Variants in ARHGAP42 observed in about 807,000 individuals in gnomAD.
ARHGAP42 encodes the protein rho GTPase-activating protein 42.
ARHGAP42 carries 63 observed loss-of-function variants against 125.0 expected under a neutral mutation model. The ratio of observed to expected loss-of-function variants is 0.50; its 90% CI spans 0.41 to 0.62. The LOEUF (loss-of-function observed/expected upper bound fraction) is 0.62. ARHGAP42 is among the 20% of genes least tolerant of loss of function. ARHGAP42 has a pLI of 0.00. For synonymous variants in ARHGAP42, 339 were observed against 351.0 expected (o/e 0.97, Z 0.38); for missense variants, 766 against 1,024.2 (o/e 0.75, Z 3.44).
chr11:100,916,116 T>G lies in ARHGAP42; in HGVS notation c.486+2563T>G, dbSNP rs1867055503. Among the ~76,000 whole-genome samples, 2 of 152,162 alleles carry G rather than the reference T, an allele frequency of 1.3e-5. 1 individual carries two copies. Among genetic ancestry groups the G allele is most frequent in the South Asian group, 4.1e-4 (2 of 4,824 alleles). ...CCAGGACTGAATTGAAGGGTCATCT[T>G]TTATTAACAAAATCCCAAGGCCGTC... On this transcript the variant is annotated intron_variant, in intron 5 of 23. Coordinates refer to ENST00000298815, the MANE Select transcript of ARHGAP42 (RefSeq NM_152432.4).
At chr11:100,965,994 A>G (rs548141804) in intron 17 of ARHGAP42, among the ~76,000 whole-genome samples, 2 of 152,328 alleles carry the variant, frequency 1.3e-5, no homozygotes, top group African/African-American at 4.8e-5. Flanking sequence ...AAATAATTAT[A>G]TCCTTTGCAA....
rs546797348 is a variant in ARHGAP42, at chr11:100,965,756, C to G, written c.1530C>G (p.Ile510Met). The change falls in exon 17 of 24, where the codon ATC (isoleucine) becomes ATG (methionine). Residue 510 changes from isoleucine (I) to methionine (M), a missense_variant. This residue lies in a region of ARHGAP42 where 455 missense variants were observed against 636.5 expected (regional missense o/e 0.71). Transcript: ENST00000298815. ...LPEKNREMLD[I>M]LIKHLVKVSL... The stretch of plus-strand genomic sequence containing the variant: ...AGAAAAACAGAGAGATGCTGGACAT[C>G]TTAATAAAGCATCTGGTCAAGTAAT... 26 of 1,550,876 alleles carry G rather than the reference C, an allele frequency of 1.7e-5. No individual in the cohort carries two copies. In the African/African-American group the frequency reaches 3.3e-4, roughly 20 times the overall value.
At chr11:100,801,133 A>G (rs1445292480) in intron 3 of ARHGAP42, among the ~76,000 whole-genome samples, 1 of 152,140 alleles carries the variant, frequency 6.6e-6, no homozygotes, top group African/African-American at 2.4e-5. Context: ...ATTTTGGGAC[A>G]TTCCGGATTT....
At chr11:100,853,704 A>G (rs148709480) in intron 3 of ARHGAP42, among the ~76,000 whole-genome samples, 1 of 152,206 alleles carries the variant, frequency 6.6e-6, no homozygotes, top group Non-Finnish European at 1.5e-5. Context: ...CCTCCACCTT[A>G]TGAGTATAGA....
At chr11:100,887,005 G>A (rs1022527253) in intron 4 of ARHGAP42, among the ~76,000 whole-genome samples, 1 of 152,132 alleles carries the variant, frequency 6.6e-6, no homozygotes, top group African/African-American at 2.4e-5. Context: ...ATACTGTGCT[G>A]AGTACTGACA....
intron 8 of ARHGAP42, among the ~76,000 whole-genome samples, chr11:100,940,101 T>A (rs1187412472): frequency 6.6e-6 from 1 of 152,122 alleles, no homozygotes; most frequent in African/African-American, 2.4e-5. Context: ...GGAATTGCAG[T>A]TAATTGTAAT....
intron 5 of ARHGAP42, 124 bp from the exon 6 acceptor site, chr11:100,921,370 G>A: frequency 1.5e-6 from 1 of 659,156 alleles, no homozygotes; most frequent in Non-Finnish European, 2.6e-6. Context: ...TGTAGGCAAG[G>A]ACTATAATAA....
intron 4 of ARHGAP42, among the ~76,000 whole-genome samples, chr11:100,909,406 C>A (rs147767709): frequency 6.9e-6 from 1 of 145,878 alleles, no homozygotes; most frequent in East Asian, 2.0e-4. Context: ...AGTGCAGTGG[C>A]GCGATCTTGG....
Position 100,974,124 on chromosome 11 carries a change from A to G in ARHGAP42, c.1711-335A>G, listed in dbSNP as rs1858325367. On this transcript the variant is annotated intron_variant, in intron 18 of 23. Coordinates refer to ENST00000298815, the MANE Select transcript of ARHGAP42 (RefSeq NM_152432.4). Reference sequence around the variant, plus strand: ...GGAGCCATTCAGTGGGAGAAATGATATAGAGTGAGCCTCAGCTCTTCTCAG... The same window carrying G: ...GGAGCCATTCAGTGGGAGAAATGATGTAGAGTGAGCCTCAGCTCTTCTCAG... 2.0e-5 allele frequency among the ~76,000 whole-genome samples: 3 copies of G among 152,222 alleles called. No homozygotes were observed. The South Asian group carries it at 6.2e-4, about 32-fold the overall frequency.
intron 4 of ARHGAP42, among the ~76,000 whole-genome samples, chr11:100,906,912 C>G (rs1340016503): frequency 6.6e-6 from 1 of 152,118 alleles, no homozygotes; most frequent in African/African-American, 2.4e-5. Flanking sequence ...TAACAAATAC[C>G]CCATCTCCTT....
chr11:100,800,458 G>T (rs142365072), intron 3 of ARHGAP42, among the ~76,000 whole-genome samples: 9 of 152,244 alleles, frequency 5.9e-5, no homozygotes, highest in Admixed American at 1.3e-4. Context: ...TAGGAATCCA[G>T]AAAGCTGAGC....
In ARHGAP42 at chr11:100,779,467, A is replaced by AATAT. The variant is rs1554996405; in HGVS notation, c.250+9045_250+9048dup. On this transcript the variant is annotated intron_variant, in intron 2 of 23. Transcript: ENST00000298815. The stretch of plus-strand genomic sequence containing the variant: ...TCTCAAAAAAAAAAAAAAAAAAAAA[A>AATAT]ATATATATATATATATATACACACA... Among the ~76,000 whole-genome samples, 273 of 85,584 alleles carry AATAT rather than the reference A, an allele frequency of 3.2e-3. 1 individual carries two copies. Among genetic ancestry groups the AATAT allele is most frequent in the East Asian group, 0.017 (39 of 2,306 alleles). 56.1% of individuals were successfully genotyped at this position (85,584 alleles called of 152,430 possible). A position where few individuals can be genotyped will look rare whatever the true frequency, so the allele number is the denominator to read the frequency against.
rs1591309462 is a variant in ARHGAP42, at chr11:100,940,058, AT to A, written c.833-1724del. Among the ~76,000 whole-genome samples, 3 of 152,306 alleles carry A rather than the reference AT, an allele frequency of 2.0e-5. No homozygotes were observed. In the East Asian group the frequency reaches 5.8e-4, roughly 29 times the overall value. On this transcript the variant is annotated intron_variant, in intron 8 of 23. Coordinates refer to ENST00000298815, the MANE Select transcript of ARHGAP42 (RefSeq NM_152432.4). ...TGTAACAGAATTATCAACAAGTATT[AT>A]TAAGTATTATAGTGTGAAATGGTCC...
At chr11:100,872,499 A>T (rs917099988) in intron 4 of ARHGAP42, among the ~76,000 whole-genome samples, 4 of 152,008 alleles carry the variant, frequency 2.6e-5, no homozygotes, top group African/African-American at 9.7e-5. Flanking sequence ...AGGTTCAAGC[A>T]ATCCTCCTGC....
chr11:100,733,408 A>G (rs1861995172), intron 1 of ARHGAP42, among the ~76,000 whole-genome samples: 2 of 152,232 alleles, frequency 1.3e-5, no homozygotes, highest in Non-Finnish European at 2.9e-5. Context: ...GAAATGAGAA[A>G]GGTTTGCAAA....
At chr11:100,868,115 A>G (rs1865615483) in intron 4 of ARHGAP42, among the ~76,000 whole-genome samples, 1 of 152,232 alleles carries the variant, frequency 6.6e-6, no homozygotes, top group Non-Finnish European at 1.5e-5. Context: ...TTGAAATATT[A>G]TGAGAGTTAG....
At chr11:100,888,902 T>G in intron 4 of ARHGAP42, among the ~76,000 whole-genome samples, 1 of 152,212 alleles carries the variant, frequency 6.6e-6, no homozygotes, top group Non-Finnish European at 1.5e-5. Flanking sequence ...TTTTCTCATT[T>G]GTTTCCTAGT....
intron 3 of ARHGAP42, among the ~76,000 whole-genome samples, chr11:100,810,707 T>G (rs1248986660): frequency 6.6e-6 from 1 of 152,234 alleles, no homozygotes; most frequent in Non-Finnish European, 1.5e-5. Context: ...GAATTATTTC[T>G]ATTACCACAG....
At chr11:100,831,710 T>C (rs1156724918) in intron 3 of ARHGAP42, among the ~76,000 whole-genome samples, 1 of 152,224 alleles carries the variant, frequency 6.6e-6, no homozygotes, top group African/African-American at 2.4e-5. Flanking sequence ...GTTTCTACTT[T>C]TTCTGGTTTA....
Sources: allele counts gnomAD v4.1 joint callset (sites outside exome capture counted in the v4.1 genomes callset), GRCh38; gene constraint gnomAD v4.1.1; regional missense constraint gnomAD v4.1.1; transcripts MANE v1.5; gene names NCBI Gene and HGNC (gene_info 2026-07-23, HGNC 2026-07-21).